The following CCDC88A variants were observed in gnomAD, a reference collection of about 807,000 sequenced individuals.
The protein encoded by CCDC88A is girdin.
In CCDC88A, 54 loss-of-function variants were observed where a neutral mutation model predicts 234.3. The ratio of observed to expected loss-of-function variants is 0.23; its 90% CI spans 0.19 to 0.29. CCDC88A has a LOEUF of 0.29. Ranked by LOEUF, CCDC88A falls within the 10% of genes least tolerant of loss-of-function variation. CCDC88A has a pLI of 1.00. For missense variants in CCDC88A, 1,832 were observed against 2,123.4 expected, an observed-to-expected ratio of 0.86 and a Z score of 2.70; for synonymous variants, 753 against 737.8, an observed-to-expected ratio of 1.02 and a Z score of -0.33.
At position 55,384,610 on chromosome 2, in the gene CCDC88A, T is replaced by TATATATGC. The variant is rs1558788764; in HGVS notation, c.273+4167_273+4168insGCATATAT. ...ATATACACATATATACGTATATATG[T>TATATATGC]GTATATATACGTATATATATGTATA... On this transcript the variant is annotated intron_variant, in intron 3 of 32. Transcript: ENST00000436346. Among the ~76,000 whole-genome samples the TATATATGC allele has an allele frequency of 1.7e-5, 2 of 115,196 alleles. 1 individual carries two copies. Among genetic ancestry groups the TATATATGC allele is most frequent in the African/African-American group, 9.2e-5 (2 of 21,824 alleles). The allele number at this position is 115,196 out of a possible 152,430, so 75.6% of individuals were successfully genotyped here.
In CCDC88A at chr2:55,312,595, C is replaced by T. The variant is rs1336704308; in HGVS notation, c.3934-16G>A. On this transcript the variant is annotated splice_polypyrimidine_tract_variant and intron_variant, in intron 22 of 32. Transcript: ENST00000436346. ...GGCTTAGCAACTGTTTAAACACAAA[C>T]ATTTTTTAAAAAATCAACATTTACA... is the stretch of plus-strand genomic sequence containing the variant. 2 of 1,577,720 alleles carry T rather than the reference C, an allele frequency of 1.3e-6. No individual in the cohort carries two copies. Among genetic ancestry groups the T allele is most frequent in the Admixed American group, 3.5e-5 (2 of 56,682 alleles).
intron 2 of CCDC88A, among the ~76,000 whole-genome samples, chr2:55,397,881 T>C: frequency 6.6e-6 from 1 of 152,248 alleles, no homozygotes; most frequent in East Asian, 1.9e-4. Context: ...AAAAAATTAA[T>C]GTTTTATATT....
Position 55,364,036 on chromosome 2 carries a change from A to G in CCDC88A, c.403-3T>C, listed in dbSNP as rs774329494. ...ATAAATTCCTCTTTTTTCTGACACTAAAATAAATGAATAAAATAGTTATTC... is the reference window on the plus strand; with the variant it reads ...ATAAATTCCTCTTTTTTCTGACACTGAAATAAATGAATAAAATAGTTATTC... On this transcript the variant is annotated splice_polypyrimidine_tract_variant and splice_region_variant and intron_variant, in intron 5 of 32. Transcript: ENST00000436346. The G allele has an allele frequency of 2.9e-6, 4 of 1,369,872 alleles. No individual in the cohort carries two copies. Among genetic ancestry groups the G allele is most frequent in the Admixed American group, 3.5e-5 (2 of 57,748 alleles). 84.9% of individuals were successfully genotyped at this position (1,369,872 alleles called of 1,614,324 possible). A position where few individuals can be genotyped will look rare whatever the true frequency, so the allele number is the denominator to read the frequency against.
intron 25 of CCDC88A, among the ~76,000 whole-genome samples, chr2:55,306,647 G>A (rs879472547): frequency 2.0e-5 from 3 of 152,096 alleles, no homozygotes; most frequent in African/African-American, 4.8e-5. Flanking sequence ...GTGCAGTGGT[G>A]CAATATTGGC....
chr2:55,323,779 T>C (rs1007571980), intron 17 of CCDC88A: 2 of 152,286 alleles, frequency 1.3e-5, no homozygotes, highest in Non-Finnish European at 2.9e-5. Context: ...TGATGCGATC[T>C]TGGCACCCTG....
chr2:55,304,447 T>C (rs1446230500), intron 25 of CCDC88A, among the ~76,000 whole-genome samples: 1 of 152,210 alleles, frequency 6.6e-6, no homozygotes, highest in Non-Finnish European at 1.5e-5. Context: ...GACCAGAGTA[T>C]TTCTAAAGAT....
chr2:55,317,225 G>A lies in CCDC88A; in HGVS notation c.3727C>T (p.Leu1243Phe). 6.7e-7 allele frequency: 1 copy of A among 1,503,654 alleles called. No individual in the cohort carries two copies. Among genetic ancestry groups the A allele is most frequent in the Non-Finnish European group, 8.9e-7 (1 of 1,118,570 alleles). 93.1% of individuals were successfully genotyped at this position (1,503,654 alleles called of 1,614,324 possible). The stretch of plus-strand genomic sequence containing the variant: ...TATTACCTATCATTTTCACCACAAA[G>A]TTTCTTGTATTCTGCAGCTACTGTT... ...HETVAAEYKKLCGENDRLNHT... is the reference protein window; with the variant it reads ...HETVAAEYKKFCGENDRLNHT... The change falls in exon 21 of 33, where the codon CTT becomes TTT. Residue 1243 changes from leucine to phenylalanine, a missense_variant. By Grantham distance (22) the Leu-to-Phe change is conservative. This residue lies in a region of CCDC88A where 1,282 missense variants were observed against 1,543.6 expected (regional missense o/e 0.83). Transcript: ENST00000436346. The surrounding 1 kb of genome is among the most constrained non-coding windows in gnomAD (Gnocchi z 4.2).
At chr2:55,344,558 T>G in intron 10 of CCDC88A, 44 bp from the exon 11 acceptor site, 2 of 1,162,990 alleles carry the variant, frequency 1.7e-6, no homozygotes, top group Non-Finnish European at 2.4e-6. Flanking sequence ...GTTAATTTTT[T>G]AAAGTTATGG....
At position 55,374,796 on chromosome 2, in the gene CCDC88A, C is replaced by A; in HGVS notation, c.343+18G>T. ...CAAAGGTTAGACATTACTTTCACAG[C>A]TTAATTTTAATACTTACCAGAAAAG... On this transcript the variant is annotated intron_variant, in intron 4 of 32. Transcript: ENST00000436346. 1 of 1,522,170 alleles carries A rather than the reference C, an allele frequency of 6.6e-7. No individual in the cohort carries two copies. The highest frequency in any genetic ancestry group is 9.1e-7 in the Non-Finnish European group (1 of 1,099,464). 94.3% of individuals were successfully genotyped at this position (1,522,170 alleles called of 1,614,324 possible).
At chr2:55,336,345 G>A (rs1177483630) in intron 14 of CCDC88A, among the ~76,000 whole-genome samples, 1 of 152,052 alleles carries the variant, frequency 6.6e-6, no homozygotes, top group African/African-American at 2.4e-5. Context: ...CTCTTTGGTA[G>A]GTCAGAGGAC....
At chr2:55,363,733 A>C (rs1188105006) in intron 6 of CCDC88A, 1 of 393,800 alleles carries the variant, frequency 2.5e-6, no homozygotes, top group Admixed American at 4.4e-5. Context: ...TGCCTATGTC[A>C]CTATAGAATA....
intron 14 of CCDC88A, among the ~76,000 whole-genome samples, chr2:55,336,038 A>T (rs974315874): frequency 2.0e-5 from 3 of 148,146 alleles, no homozygotes; most frequent in Non-Finnish European, 4.5e-5. Context: ...ACCAAAAAAT[A>T]AAAAAAAAAA....
chr2:55,351,293 G>A (rs1177845902), intron 8 of CCDC88A, among the ~76,000 whole-genome samples: 1 of 151,946 alleles, frequency 6.6e-6, no homozygotes, highest in Non-Finnish European at 1.5e-5. Flanking sequence ...AACACATTAA[G>A]TATCCCTTTT....
chr2:55,391,546 G>A (rs1051981476), intron 2 of CCDC88A, among the ~76,000 whole-genome samples: 3 of 152,146 alleles, frequency 2.0e-5, no homozygotes, highest in East Asian at 3.8e-4. Context: ...AGACATGAAC[G>A]TTAAGTAGGA....
chr2:55,301,095 T>C, intron 28 of CCDC88A, 111 bp downstream of exon 28: 1 of 675,682 alleles, frequency 1.5e-6, no homozygotes, highest in Non-Finnish European at 2.6e-6. Flanking sequence ...AGATGCAGGA[T>C]AGAGAAAACA....
chr2:55,408,010 G>A (rs779430164), intron 2 of CCDC88A, among the ~76,000 whole-genome samples: 11 of 151,818 alleles, frequency 7.2e-5, no homozygotes, highest in East Asian at 1.9e-4. Flanking sequence ...GAGCCACCGC[G>A]CCTGGCCCTT....
chr2:55,313,863 T>C (rs1682643043), intron 22 of CCDC88A: 1 of 152,202 alleles, frequency 6.6e-6, no homozygotes, highest in Admixed American at 6.5e-5. Flanking sequence ...TTGGTTTTAT[T>C]TATCTGTATG....
At position 55,381,486 on chromosome 2, in the gene CCDC88A, G is replaced by C. The variant is rs530358722; in HGVS notation, c.274-6603C>G. ...GGGGATGGCTTGAGCCCAGGAGGCG[G>C]AGGTTGCAGTTAGCCAAGATTGTGC... is the stretch of plus-strand genomic sequence containing the variant. On this transcript the variant is annotated intron_variant, in intron 3 of 32. Transcript: ENST00000436346. Among the ~76,000 whole-genome samples, 21 of 150,664 alleles carry C rather than the reference G, an allele frequency of 1.4e-4. 1 individual carries two copies. The highest frequency in any genetic ancestry group is 9.9e-4 in the Admixed American group (15 of 15,102).
At chr2:55,369,463 T>G (rs1672509227) in intron 5 of CCDC88A, among the ~76,000 whole-genome samples, 1 of 150,602 alleles carries the variant, frequency 6.6e-6, no homozygotes. Flanking sequence ...TTTTTTTTTT[T>G]TTTTTTGAGA....
Sources: allele counts gnomAD v4.1 joint callset (sites outside exome capture counted in the v4.1 genomes callset), GRCh38; gene constraint gnomAD v4.1.1; regional missense constraint gnomAD v4.1.1; non-coding constraint Gnocchi (gnomAD v3.1); transcripts MANE v1.5; gene names NCBI Gene and HGNC (gene_info 2026-07-23, HGNC 2026-07-21).